Variants in EPAS1 observed in about 807,000 individuals in gnomAD.
EPAS1 encodes the protein endothelial PAS domain protein 1, also known as endothelial PAS domain-containing protein 1.
Under a neutral mutation model 87.9 loss-of-function variants are expected in EPAS1, and 23 were observed. The observed-to-expected ratio is 0.26, with a 90% CI of 0.19 to 0.37. The LOEUF (loss-of-function observed/expected upper bound fraction) is 0.37, where lower values mean the gene tolerates loss of function less well. Among genes scored for constraint, EPAS1 ranks in the 10% least tolerant of loss-of-function variants. The pLI is 1.00. For synonymous variants in EPAS1, 508 were observed against 444.3 expected, an observed-to-expected ratio of 1.14 and a Z score of -1.80; for missense variants, 1,138 against 1,120.7, an observed-to-expected ratio of 1.02 and a Z score of -0.22.
chr2:46,318,615 GTTT>G (rs1282203334), intron 1 of EPAS1, among the ~76,000 whole-genome samples: 1 of 152,184 alleles, frequency 6.6e-6, no homozygotes, highest in African/African-American at 2.4e-5. Flanking sequence ...TGCTGAGAAA[GTTT>G]TTGAGTGTTG....
At chr2:46,341,926 G>T (rs1400736037) in intron 1 of EPAS1, among the ~76,000 whole-genome samples, 4 of 152,264 alleles carry the variant, frequency 2.6e-5, no homozygotes, top group African/African-American at 9.6e-5. Flanking sequence ...TGAGAAAGGT[G>T]ACATAGCTGT....
At chr2:46,345,678 A>G (rs1397571910) in intron 1 of EPAS1, among the ~76,000 whole-genome samples, 2 of 152,200 alleles carry the variant, frequency 1.3e-5, no homozygotes, top group Admixed American at 1.3e-4. Context: ...TGTAAGCACT[A>G]TGTCTGTGAT....
At position 46,297,618 on chromosome 2, in the gene EPAS1, T is replaced by G. The variant is rs1237175604; in HGVS notation, c.-294T>G. 4.3e-6 allele frequency: 2 copies of G among 462,764 alleles called. No individual in the cohort carries two copies. Among genetic ancestry groups the G allele is most frequent in the Non-Finnish European group, 7.8e-6 (2 of 255,560 alleles). The allele number at this position is 462,764 out of a possible 1,614,324, so 28.7% of individuals were successfully genotyped here. On this transcript the variant is annotated 5_prime_UTR_variant, in exon 1 of 16. Transcript: ENST00000263734. ...ACTCCTTTTCCAGGGAAAAAGGAAC[T>G]TGGGTTCCCTTCTCTCCGTCCTCTT...
intron 1 of EPAS1, among the ~76,000 whole-genome samples, chr2:46,338,521 G>A (rs1263340755): frequency 1.3e-5 from 2 of 152,160 alleles, no homozygotes; most frequent in African/African-American, 2.4e-5. Context: ...AGACAGCACC[G>A]AGTCTTCTCT....
chr2:46,300,601 C>A lies in EPAS1; in HGVS notation c.26+2664C>A, dbSNP rs1350152269. Among the ~76,000 whole-genome samples, 5 of 152,160 alleles carry A rather than the reference C, an allele frequency of 3.3e-5. No homozygotes were observed. The highest frequency in any genetic ancestry group is 1.2e-4 in the African/African-American group (5 of 41,432). On this transcript the variant is annotated intron_variant, in intron 1 of 15. Transcript: ENST00000263734. This position sits in a 1 kb window ranked among gnomAD's most constrained non-coding sequence, Gnocchi z 4.1. The stretch of plus-strand genomic sequence containing the variant: ...CTGGTGGGTGGGGGTACTGCACTTT[C>A]ACTCACCTTTTTGTGCACGCATCTA...
In EPAS1 at chr2:46,371,487, A is replaced by C. The variant is rs1684626831; in HGVS notation, c.886+1554A>C. Reference sequence around the variant, plus strand: ...AAAACACACACGCGCACACACAGACACACACACACAAACAACCTAGATTCA... The same window carrying C: ...AAAACACACACGCGCACACACAGACCCACACACACAAACAACCTAGATTCA... On this transcript the variant is annotated intron_variant, in intron 7 of 15. Transcript: ENST00000263734. The surrounding 1 kb of genome is among the most constrained non-coding windows in gnomAD (Gnocchi z 4.3). Among the ~76,000 whole-genome samples, 1 of 152,098 alleles carries C rather than the reference A, an allele frequency of 6.6e-6. No individual in the cohort carries two copies. Among genetic ancestry groups the C allele is most frequent in the Admixed American group, 6.5e-5 (1 of 15,274 alleles).
chr2:46,311,432 C>A (rs1418092639), intron 1 of EPAS1, among the ~76,000 whole-genome samples: 3 of 152,258 alleles, frequency 2.0e-5, no homozygotes, highest in Non-Finnish European at 4.4e-5. Flanking sequence ...AGCTTTGGAG[C>A]ACAGCGCAGC....
intron 4 of EPAS1, among the ~76,000 whole-genome samples, chr2:46,357,780 G>A (rs1009440775): frequency 5.3e-5 from 8 of 152,204 alleles, no homozygotes; most frequent in African/African-American, 1.9e-4. Context: ...TACCCATGGG[G>A]ATACCCAGCA....
chr2:46,368,016 A>T (rs892725651), intron 6 of EPAS1, among the ~76,000 whole-genome samples: 2 of 152,254 alleles, frequency 1.3e-5, no homozygotes. Context: ...TGGGATAAAC[A>T]GGTGTCTGTT....
chr2:46,353,047 G>A (rs1204456590), intron 2 of EPAS1, among the ~76,000 whole-genome samples: 2 of 152,206 alleles, frequency 1.3e-5, no homozygotes, highest in African/African-American at 4.8e-5. Flanking sequence ...AGATTTTGAA[G>A]TCAGCGTTAC....
rs962309327 is a variant in EPAS1 at position 46,380,679 on chromosome 2, C to T, written c.2007C>T (p.Pro669=). Residue 669 remains proline, a synonymous_variant, in exon 12 of 16, where the codon CCC becomes CCT. Transcript: ENST00000263734. The surrounding 1 kb of genome is among the most constrained non-coding windows in gnomAD (Gnocchi z 4.4). ...TCTTGGGAGCAGCGCCGTTGGGGCC[C>T]CCTGTCTCTCCACCCCATGTCTCCA... ...TEFLGAAPLG[P]PVSPPHVSTF... is the part of the protein sequence containing the mutation. 1.2e-6 allele frequency: 2 copies of T among 1,613,770 alleles called. No individual in the cohort carries two copies. Among genetic ancestry groups the T allele is most frequent in the African/African-American group, 2.7e-5 (2 of 75,042 alleles).
At chr2:46,361,383 C>T (rs570008983) in intron 6 of EPAS1, among the ~76,000 whole-genome samples, 11 of 152,276 alleles carry the variant, frequency 7.2e-5, no homozygotes, top group African/African-American at 2.4e-4. Context: ...GTATCAGGCT[C>T]CTGAGGAAAT....
intron 2 of EPAS1, 27 bp from the exon 3 acceptor site, chr2:46,356,124 A>T: frequency 7.5e-7 from 1 of 1,335,372 alleles, no homozygotes; most frequent in Non-Finnish European, 1.1e-6. Context: ...CATTCATGCA[A>T]GCTGTCCCAC....
At chr2:46,373,278 A>G (rs1310623094) in intron 7 of EPAS1, among the ~76,000 whole-genome samples, 2 of 152,244 alleles carry the variant, frequency 1.3e-5, no homozygotes, top group Non-Finnish European at 2.9e-5. Context: ...TTGCACTCCT[A>G]GCTGCACCCA....
chr2:46,332,049 G>A (rs1017171665), intron 1 of EPAS1, among the ~76,000 whole-genome samples: 1 of 152,184 alleles, frequency 6.6e-6, no homozygotes, highest in Non-Finnish European at 1.5e-5. Context: ...GGCCTGCCAT[G>A]GTGTCACCAG....
At chr2:46,312,453 A>G (rs75146069) in intron 1 of EPAS1, among the ~76,000 whole-genome samples, 1,884 of 152,354 alleles carry the variant, frequency 0.012, 16 homozygotes, top group Non-Finnish European at 0.015. Flanking sequence ...TCATAAAACC[A>G]TGCATTTTTA....
At chr2:46,348,340 G>A (rs1684080725) in intron 2 of EPAS1, among the ~76,000 whole-genome samples, 1 of 152,212 alleles carries the variant, frequency 6.6e-6, no homozygotes, top group Non-Finnish European at 1.5e-5. Context: ...AGTGGGCTGA[G>A]CCCTGGCAAG....
At chr2:46,298,912 T>C (rs956242503) in intron 1 of EPAS1, among the ~76,000 whole-genome samples, 2 of 152,124 alleles carry the variant, frequency 1.3e-5, no homozygotes, top group Admixed American at 6.5e-5. Flanking sequence ...TCCTCCTGTC[T>C]CCACCCGTGC....
chr2:46,332,123 C>T (rs1044013498), intron 1 of EPAS1, among the ~76,000 whole-genome samples: 1 of 152,114 alleles, frequency 6.6e-6, no homozygotes, highest in Admixed American at 6.5e-5. Context: ...GCTTTAGAGG[C>T]TCTGGGGAAG....
Sources: gnomAD v4.1 joint callset for allele counts (sites outside exome capture counted in the v4.1 genomes callset) on GRCh38, gnomAD v4.1.1 for gene constraint, Gnocchi (gnomAD v3.1) non-coding constraint, MANE v1.5 for transcripts, NCBI Gene and HGNC (gene_info 2026-07-23, HGNC 2026-07-21) for gene names.